INTS3: variants seen among roughly 807,000 people sequenced by gnomAD.
INTS3 encodes integrator complex subunit 3, also known as SOSS complex subunit A.
INTS3 carries 34 observed loss-of-function variants against 146.3 expected under a neutral mutation model. The ratio of observed to expected loss-of-function variants is 0.23; its 90% CI spans 0.18 to 0.31. INTS3 has a LOEUF of 0.31. INTS3 is among the 10% of genes least tolerant of loss of function. The pLI, the probability that INTS3 is intolerant of heterozygous loss-of-function variation, is 1.00. For synonymous variants in INTS3, 475 were observed against 494.9 expected, an observed-to-expected ratio of 0.96 and a Z score of 0.53; for missense variants, 757 against 1,304.2, an observed-to-expected ratio of 0.58 and a Z score of 6.46.
intron 22 of INTS3, among the ~76,000 whole-genome samples, chr1:153,769,249 C>T (rs1482240908): frequency 2.0e-5 from 3 of 152,354 alleles, no homozygotes; most frequent in South Asian, 2.1e-4. Context: ...GATTTTAGCT[C>T]TCAACTGGCC....
At chr1:153,748,652 A>C (rs748952126) in intron 5 of INTS3, 37 bp from the exon 6 acceptor site, 39 of 1,559,160 alleles carry the variant, frequency 2.5e-5, no homozygotes, top group Admixed American at 1.7e-5. Context: ...CTGACTTGCT[A>C]ATCGGAGCTA....
chr1:153,767,910 C>T (rs1672659205), intron 21 of INTS3, 83 bp downstream of exon 21: 3 of 1,382,338 alleles, frequency 2.2e-6, no homozygotes, highest in Admixed American at 4.9e-5. Context: ...CAACCCTGAA[C>T]CCTCTTTTGT....
Position 153,728,675 on chromosome 1 carries a change from C to T in INTS3, c.41C>T (p.Ala14Val). The T allele has an allele frequency of 1.2e-6, 2 of 1,605,574 alleles. No homozygotes were observed. Among genetic ancestry groups the T allele is most frequent in the Non-Finnish European group, 1.7e-6 (2 of 1,177,290 alleles). The part of the protein sequence containing the change: ...QKGKGAAAAA[A>V]ASGAAGGGGG... ...GGAAAAGGGGCGGCAGCAGCAGCAGCTGCTTCGGGAGCAGCGGGAGGTGGA... is the reference window on the plus strand; with the variant it reads ...GGAAAAGGGGCGGCAGCAGCAGCAGTTGCTTCGGGAGCAGCGGGAGGTGGA... The change falls in exon 1 of 30, where the codon GCT (alanine) becomes GTT (valine). Residue 14 changes from alanine (A) to valine (V), a missense_variant. Coordinates refer to ENST00000318967, the MANE Select transcript of INTS3 (RefSeq NM_023015.5).
At chr1:153,740,165 T>C (rs1001473223) in intron 1 of INTS3, among the ~76,000 whole-genome samples, 1 of 151,928 alleles carries the variant, frequency 6.6e-6, no homozygotes, top group Non-Finnish European at 1.5e-5. Context: ...AATGGCGCGA[T>C]CTCTGCTCAC....
intron 3 of INTS3, among the ~76,000 whole-genome samples, chr1:153,743,358 G>C (rs1029540393): frequency 1.3e-5 from 2 of 152,208 alleles, no homozygotes; most frequent in East Asian, 1.9e-4. Context: ...GATGGGAAGT[G>C]GATATGGTGG....
intron 24 of INTS3, 34 bp from the exon 25 acceptor site, chr1:153,770,651 T>A: frequency 6.3e-7 from 1 of 1,588,434 alleles, no homozygotes; most frequent in Non-Finnish European, 8.6e-7. Flanking sequence ...GAATCATACC[T>A]TCCCCCTGAA....
In INTS3 at chr1:153,752,227, A is replaced by T. The variant is rs2101804231; in HGVS notation, c.730-52A>T. 2.5e-6 allele frequency: 4 copies of T among 1,578,570 alleles called. No homozygotes were observed. In the East Asian group the frequency reaches 9.0e-5, roughly 35 times the overall value. ...TTTGTCCTCCCTCCAGCAGGTAAAC[A>T]ATCCATGTTTTTATTCTCTTTCCTG... On this transcript the variant is annotated intron_variant, in intron 7 of 29. Coordinates refer to ENST00000318967, the MANE Select transcript of INTS3 (RefSeq NM_023015.5).
intron 3 of INTS3, among the ~76,000 whole-genome samples, chr1:153,742,296 T>G (rs1206676041): frequency 6.6e-6 from 1 of 152,232 alleles, no homozygotes; most frequent in African/African-American, 2.4e-5. Context: ...AATTGCTGTT[T>G]CATTTTTATA....
At chr1:153,747,185 A>C in intron 4 of INTS3, 94 bp from the exon 5 acceptor site, 2 of 1,309,214 alleles carry the variant, frequency 1.5e-6, no homozygotes, top group Non-Finnish European at 2.2e-6. Context: ...TGTGTGTCTA[A>C]ATTGTAATGT....
intron 6 of INTS3, 54 bp downstream of exon 6, chr1:153,748,809 G>T (rs1671849086): frequency 7.2e-7 from 1 of 1,387,420 alleles, no homozygotes; most frequent in African/African-American, 1.4e-5. Context: ...CATTAGGAGT[G>T]TGGGTGTGGG....
chr1:153,744,764 G>C (rs1671662110), intron 3 of INTS3, among the ~76,000 whole-genome samples: 1 of 152,192 alleles, frequency 6.6e-6, no homozygotes, highest in African/African-American at 2.4e-5. Flanking sequence ...TTGCTGCACG[G>C]AGTGGCTCAT....
intron 20 of INTS3, chr1:153,767,070 G>A (rs1326767646): frequency 6.6e-6 from 1 of 152,146 alleles, no homozygotes; most frequent in Non-Finnish European, 1.5e-5. Flanking sequence ...ATATATTCTG[G>A]ATGCAAGTCT....
chr1:153,757,495 A>T lies in INTS3; in HGVS notation c.958-77A>T. 7.9e-7 allele frequency: 1 copy of T among 1,273,466 alleles called. No homozygotes were observed. Among genetic ancestry groups the T allele is most frequent in the Non-Finnish European group, 1.1e-6 (1 of 888,638 alleles). 78.9% of individuals were successfully genotyped at this position (1,273,466 alleles called of 1,614,324 possible). A position where few individuals can be genotyped will look rare whatever the true frequency, so the allele number is the denominator to read the frequency against. On this transcript the variant is annotated intron_variant, in intron 9 of 29. Coordinates refer to ENST00000318967, the MANE Select transcript of INTS3 (RefSeq NM_023015.5). This position sits in a 1 kb window ranked among gnomAD's most constrained non-coding sequence, Gnocchi z 4.0. ...AGAGGTCTAGGGCAAACCTAGAGTT[A>T]AGTGGTGCTCGTTTTCCTCTGGCCA...
chr1:153,754,914 G>A (rs1343715455), intron 9 of INTS3, among the ~76,000 whole-genome samples, 175 bp downstream of exon 9: 3 of 152,186 alleles, frequency 2.0e-5, no homozygotes, highest in Admixed American at 2.0e-4. Context: ...CCTACATATT[G>A]AGCATGGTGC....
intron 3 of INTS3, among the ~76,000 whole-genome samples, chr1:153,742,168 C>A (rs1488237754): frequency 6.6e-6 from 1 of 152,172 alleles, no homozygotes; most frequent in East Asian, 1.9e-4. Context: ...GTTTGTACTT[C>A]TGATGCCAGC....
Position 153,772,758 on chromosome 1 carries a change from C to T in INTS3, c.2894+47C>T, listed in dbSNP as rs1196954410. The T allele has an allele frequency of 6.2e-7, 1 of 1,602,426 alleles. No individual in the cohort carries two copies. Among genetic ancestry groups the T allele is most frequent in the Admixed American group, 1.7e-5 (1 of 58,850 alleles). The stretch of plus-strand genomic sequence containing the variant: ...GCCTTGGAAAGTAGTAGGGGAAAAG[C>T]CTAAGGGAGAGGAAGCCTGCTAGGG... On this transcript the variant is annotated intron_variant, in intron 28 of 29. Coordinates refer to ENST00000318967, the MANE Select transcript of INTS3 (RefSeq NM_023015.5). This position sits in a 1 kb window ranked among gnomAD's most constrained non-coding sequence, Gnocchi z 4.6.
intron 20 of INTS3, among the ~76,000 whole-genome samples, chr1:153,766,115 C>CTTTTTTTTTT (rs542483679): frequency 5.9e-5 from 5 of 84,650 alleles, no homozygotes; most frequent in Non-Finnish European, 6.4e-5. Context: ...TTTTCTTTCT[C>CTTTTTTTTTT]TTTTTTTTTT....
At chr1:153,734,021 G>A (rs1671193178) in intron 1 of INTS3, among the ~76,000 whole-genome samples, 2 of 152,130 alleles carry the variant, frequency 1.3e-5, no homozygotes, top group African/African-American at 4.8e-5. Flanking sequence ...AAAGAGAAAG[G>A]CCTTCCCCCC....
intron 1 of INTS3, among the ~76,000 whole-genome samples, chr1:153,729,550 A>G (rs148930714): frequency 6.6e-6 from 1 of 152,256 alleles, no homozygotes; most frequent in Non-Finnish European, 1.5e-5. Context: ...TTCCACTCCT[A>G]CAAACGAGAA....
Sources: gnomAD v4.1 joint callset for allele counts (sites outside exome capture counted in the v4.1 genomes callset) on GRCh38, gnomAD v4.1.1 for gene constraint, Gnocchi (gnomAD v3.1) non-coding constraint, MANE v1.5 for transcripts, NCBI Gene and HGNC (gene_info 2026-07-23, HGNC 2026-07-21) for gene names.